The following RIN3 variants were observed in gnomAD, a reference collection of about 807,000 sequenced individuals.
RIN3 encodes the protein Ras and Rab interactor 3, also known as RAB5 interacting protein 3.
A neutral mutation model predicts 76.3 loss-of-function variants in RIN3; 54 were observed. The observed-to-expected ratio is 0.71, with a 90% CI of 0.57 to 0.89. The LOEUF (loss-of-function observed/expected upper bound fraction) is 0.89. Among genes scored for constraint, RIN3 ranks in the 40% least tolerant of loss-of-function variants. The pLI is 0.00. For missense variants in RIN3, 1,256 were observed against 1,322.1 expected (o/e 0.95, Z 0.78); for synonymous variants, 576 against 564.0 (o/e 1.02, Z -0.30).
At position 92,666,241 on chromosome 14, in the gene RIN3, G is replaced by T. The variant is rs546708857; in HGVS notation, c.2335+6772G>T. 5.9e-5 allele frequency among the ~76,000 whole-genome samples: 9 copies of T among 152,270 alleles called. No individual in the cohort carries two copies. The East Asian group carries it at 1.7e-3, about 29-fold the overall frequency. ...GCTTGATGTGGTACCTTCATGGCCC[G>T]CTTGAAAGGGGAATAAAATAGGGCG... On this transcript the variant is annotated intron_variant, in intron 7 of 9. Transcript: ENST00000216487.
At chr14:92,575,873 C>T (rs904662963) in intron 2 of RIN3, among the ~76,000 whole-genome samples, 16 of 151,674 alleles carry the variant, frequency 1.1e-4, no homozygotes, top group African/African-American at 2.9e-4. Context: ...TGCAGCCCAG[C>T]GGGGTCTCAG....
intron 7 of RIN3, among the ~76,000 whole-genome samples, chr14:92,665,046 G>A (rs111683304): frequency 1.2e-4 from 19 of 152,270 alleles, no homozygotes; most frequent in East Asian, 5.8e-4. Flanking sequence ...TGAGGAGTGC[G>A]TCATTAGACA....
chr14:92,628,157 T>C (rs543441861), intron 4 of RIN3, among the ~76,000 whole-genome samples: 1 of 152,248 alleles, frequency 6.6e-6, no homozygotes, highest in African/African-American at 2.4e-5. Context: ...GGCTAATAGA[T>C]GAATGGGTAA....
intron 1 of RIN3, among the ~76,000 whole-genome samples, chr14:92,544,497 G>A (rs1270825232): frequency 4.6e-5 from 7 of 151,716 alleles, no homozygotes; most frequent in Non-Finnish European, 7.4e-5. Context: ...ATCTATTCCC[G>A]GGGCTAGACT....
intron 1 of RIN3, among the ~76,000 whole-genome samples, chr14:92,527,951 C>G (rs1050789397): frequency 5.9e-5 from 9 of 151,804 alleles, no homozygotes; most frequent in Admixed American, 1.3e-4. Context: ...CAGGCACTAA[C>G]AAACGTTTGC....
chr14:92,653,334 CACT>C (rs1269586588), intron 6 of RIN3, among the ~76,000 whole-genome samples: 1 of 152,174 alleles, frequency 6.6e-6, no homozygotes, highest in Non-Finnish European at 1.5e-5. Flanking sequence ...ATCAGGGGCC[CACT>C]GCCAATTACT....
At chr14:92,530,621 A>G (rs1040035606) in intron 1 of RIN3, among the ~76,000 whole-genome samples, 1 of 151,502 alleles carries the variant, frequency 6.6e-6, no homozygotes, top group East Asian at 2.0e-4. Context: ...GCTCTTAGCA[A>G]TAGCAGAGCT....
chr14:92,676,894 G>A (rs78210145), intron 8 of RIN3, among the ~76,000 whole-genome samples: 2,969 of 152,300 alleles, frequency 0.019, 53 homozygotes, highest in Non-Finnish European at 0.027. Context: ...TGCAGTCAGG[G>A]AAGGCTTCCT....
At chr14:92,616,414 T>G (rs1262678309) in intron 4 of RIN3, among the ~76,000 whole-genome samples, 8 of 151,868 alleles carry the variant, frequency 5.3e-5, no homozygotes, top group Non-Finnish European at 1.0e-4. Flanking sequence ...TGACGTAAAG[T>G]TACAAAGTCT....
intron 7 of RIN3, among the ~76,000 whole-genome samples, chr14:92,665,535 T>A (rs572667952): frequency 1.3e-5 from 2 of 151,950 alleles, no homozygotes; most frequent in Admixed American, 1.3e-4. Flanking sequence ...CCCACCACCA[T>A]GCCCGGCTAA....
intron 1 of RIN3, among the ~76,000 whole-genome samples, chr14:92,536,356 T>C (rs1356228503): frequency 6.6e-6 from 1 of 152,192 alleles, no homozygotes; most frequent in South Asian, 2.1e-4. Context: ...TCCATTCGCC[T>C]ATTGTGTGTC....
At chr14:92,662,956 A>G (rs1887943828) in intron 7 of RIN3, among the ~76,000 whole-genome samples, 1 of 151,832 alleles carries the variant, frequency 6.6e-6, no homozygotes, top group Non-Finnish European at 1.5e-5. Flanking sequence ...GACTACAGGT[A>G]TGTGCCACCA....
rs986517315 is a variant in RIN3 at position 92,539,862 on chromosome 14, G to T, written c.45-15889G>T. Among the ~76,000 whole-genome samples the T allele has an allele frequency of 5.3e-5, 8 of 152,162 alleles. 1 individual carries two copies. The highest frequency in any genetic ancestry group is 2.6e-4 in the Admixed American group (4 of 15,278). On this transcript the variant is annotated intron_variant, in intron 1 of 9. Transcript: ENST00000216487. Reference sequence around the variant, plus strand: ...GGGACTAGAGGCCCAACAGAGCAAAGCCATGAGCCTTCAACCACAGTGGCT... The same window carrying T: ...GGGACTAGAGGCCCAACAGAGCAAATCCATGAGCCTTCAACCACAGTGGCT...
intron 2 of RIN3, among the ~76,000 whole-genome samples, chr14:92,566,364 G>A (rs571250135): frequency 6.6e-6 from 1 of 152,276 alleles, no homozygotes; most frequent in Admixed American, 6.5e-5. Context: ...TCACCCATTC[G>A]AAGGCAAGAG....
chr14:92,622,605 A>G (rs1595462634), intron 4 of RIN3, among the ~76,000 whole-genome samples: 1 of 152,334 alleles, frequency 6.6e-6, no homozygotes, highest in African/African-American at 2.4e-5. Context: ...TCCCTAACGC[A>G]GACCCTGTTC....
intron 4 of RIN3, among the ~76,000 whole-genome samples, chr14:92,640,283 G>C (rs1417363072): frequency 3.0e-5 from 4 of 134,620 alleles, no homozygotes; most frequent in African/African-American, 1.2e-4. Context: ...TTTGCTGGGA[G>C]ATGCCTGACT....
At chr14:92,531,879 C>T (rs896578932) in intron 1 of RIN3, among the ~76,000 whole-genome samples, 4 of 151,586 alleles carry the variant, frequency 2.6e-5, no homozygotes, top group African/African-American at 9.7e-5. Flanking sequence ...ATTTTAAACC[C>T]CTCCCCCCAG....
intron 1 of RIN3, among the ~76,000 whole-genome samples, chr14:92,515,780 C>G (rs1410198018): frequency 6.6e-6 from 1 of 152,208 alleles, no homozygotes; most frequent in African/African-American, 2.4e-5. Flanking sequence ...GGGGAAACAT[C>G]CGTTCAGGCC....
At chr14:92,544,377 C>G (rs1897198341) in intron 1 of RIN3, among the ~76,000 whole-genome samples, 1 of 133,428 alleles carries the variant, frequency 7.5e-6, no homozygotes, top group Admixed American at 9.0e-5. Context: ...CTCCAATGAC[C>G]TTCTCTGGCT....
Sources: gnomAD v4.1 joint callset for allele counts (sites outside exome capture counted in the v4.1 genomes callset) on GRCh38, gnomAD v4.1.1 for gene constraint, MANE v1.5 for transcripts, NCBI Gene and HGNC (gene_info 2026-07-23, HGNC 2026-07-21) for gene names.